Variants in ARHGAP26 observed in about 807,000 individuals in gnomAD.
ARHGAP26 encodes the protein rho GTPase-activating protein 26.
A neutral mutation model predicts 104.8 loss-of-function variants in ARHGAP26; 38 were observed. The ratio of observed to expected loss-of-function variants is 0.36; its 90% CI spans 0.28 to 0.48. The LOEUF is 0.48. Ranked by LOEUF, ARHGAP26 falls within the 20% of genes least tolerant of loss-of-function variation. The pLI is 0.99. For missense variants in ARHGAP26, 704 were observed against 947.9 expected, an observed-to-expected ratio of 0.74 and a Z score of 3.38; for synonymous variants, 341 against 340.0, an observed-to-expected ratio of 1.00 and a Z score of -0.03.
At chr5:143,119,629 T>C (rs1461584703) in intron 17 of ARHGAP26, among the ~76,000 whole-genome samples, 1 of 152,188 alleles carries the variant, frequency 6.6e-6, no homozygotes, top group Non-Finnish European at 1.5e-5. Flanking sequence ...ATTCTTTATG[T>C]GGACCAGAAA....
chr5:143,076,136 G>T (rs11739101), intron 17 of ARHGAP26, among the ~76,000 whole-genome samples: 78,282 of 149,646 alleles, frequency 0.52, 24,850 homozygotes, highest in Non-Finnish European at 0.72. Flanking sequence ...AGGACTACAG[G>T]TGTGCGCCAC....
chr5:142,856,212 G>A (rs552053301), intron 1 of ARHGAP26, among the ~76,000 whole-genome samples: 4 of 152,348 alleles, frequency 2.6e-5, no homozygotes, highest in Admixed American at 2.0e-4. Context: ...GGAGCTGTGG[G>A]CACACAGTGG....
intron 11 of ARHGAP26, among the ~76,000 whole-genome samples, chr5:142,943,501 G>A (rs1474348012): frequency 6.6e-6 from 1 of 151,988 alleles, no homozygotes; most frequent in African/African-American, 2.4e-5. Context: ...CTTTTATGAG[G>A]GCACCCATCC....
At chr5:142,776,310 G>A (rs897513821) in intron 1 of ARHGAP26, among the ~76,000 whole-genome samples, 2 of 152,098 alleles carry the variant, frequency 1.3e-5, no homozygotes, top group Admixed American at 6.5e-5. Flanking sequence ...GTGGTTTGTA[G>A]TTACAGAGTT....
At chr5:143,030,021 T>C (rs2152857139) in intron 12 of ARHGAP26, among the ~76,000 whole-genome samples, 1 of 152,312 alleles carries the variant, frequency 6.6e-6, no homozygotes, top group South Asian at 2.1e-4. Flanking sequence ...GTGTGCTGTT[T>C]TTATAGACTA....
intron 1 of ARHGAP26, among the ~76,000 whole-genome samples, chr5:142,779,912 A>C (rs1369964826): frequency 6.6e-6 from 1 of 152,228 alleles, no homozygotes; most frequent in Non-Finnish European, 1.5e-5. Flanking sequence ...ACTCATAGCT[A>C]TGTTTCTTTT....
At chr5:142,771,093 A>T (rs2151782376) in intron 1 of ARHGAP26, 178 bp downstream of exon 1, 1 of 1,342,862 alleles carries the variant, frequency 7.4e-7, no homozygotes, top group East Asian at 3.0e-5. Context: ...CAACCATCAG[A>T]TGAAGAGAGA....
intron 20 of ARHGAP26, among the ~76,000 whole-genome samples, chr5:143,161,067 A>G (rs1287692924): frequency 1.5e-5 from 2 of 137,602 alleles, no homozygotes; most frequent in Non-Finnish European, 3.0e-5. Flanking sequence ...GCTGGAGTGC[A>G]GTGGAGCGAT....
intron 5 of ARHGAP26, among the ~76,000 whole-genome samples, chr5:142,888,219 T>C (rs1350212670): frequency 2.0e-5 from 3 of 152,198 alleles, no homozygotes; most frequent in African/African-American, 7.2e-5. Flanking sequence ...AATAGCTTAG[T>C]GGTAGCGAGT....
At chr5:142,902,911 A>G (rs377453611) in intron 7 of ARHGAP26, among the ~76,000 whole-genome samples, 16 of 152,156 alleles carry the variant, frequency 1.1e-4, no homozygotes, top group East Asian at 3.9e-4. Flanking sequence ...GAGTGAGGGC[A>G]CCTGGACTCG....
intron 17 of ARHGAP26, among the ~76,000 whole-genome samples, chr5:143,114,111 C>G (rs530200959): frequency 6.6e-6 from 1 of 152,268 alleles, no homozygotes; most frequent in East Asian, 1.9e-4. Context: ...GTAGAAGTAC[C>G]CACCATAAGC....
chr5:143,215,704 A>G (rs1040843622), intron 22 of ARHGAP26, among the ~76,000 whole-genome samples: 1 of 152,212 alleles, frequency 6.6e-6, no homozygotes, highest in African/African-American at 2.4e-5. Flanking sequence ...CGGACATTTC[A>G]TACAAATGGA....
intron 18 of ARHGAP26, among the ~76,000 whole-genome samples, chr5:143,125,435 C>T (rs1448570558): frequency 6.6e-6 from 1 of 152,254 alleles, no homozygotes; most frequent in Non-Finnish European, 1.5e-5. Context: ...GTGTTTCACA[C>T]ACAACTTGTG....
At chr5:142,810,542 T>A (rs756394938) in intron 1 of ARHGAP26, among the ~76,000 whole-genome samples, 5 of 152,146 alleles carry the variant, frequency 3.3e-5, no homozygotes, top group African/African-American at 4.8e-5. Flanking sequence ...TGATAGAAAA[T>A]TTAAAACTTA....
At chr5:143,194,947 G>T (rs1030186754) in intron 20 of ARHGAP26, among the ~76,000 whole-genome samples, 4 of 152,204 alleles carry the variant, frequency 2.6e-5, no homozygotes, top group African/African-American at 9.7e-5. Flanking sequence ...CGCTGAAGGA[G>T]CAGGGCCAGG....
chr5:143,120,582 T>C (rs1796017071), intron 17 of ARHGAP26, among the ~76,000 whole-genome samples: 1 of 152,152 alleles, frequency 6.6e-6, no homozygotes, highest in Admixed American at 6.6e-5. Flanking sequence ...CATCAAGAGG[T>C]TTTACATTTG....
At chr5:142,888,560 C>G (rs1598093654) in intron 5 of ARHGAP26, among the ~76,000 whole-genome samples, 1 of 152,290 alleles carries the variant, frequency 6.6e-6, no homozygotes, top group East Asian at 1.9e-4. Context: ...ATGAAACCTT[C>G]CACTCTGATT....
At chr5:143,117,255 C>T (rs530864462) in intron 17 of ARHGAP26, among the ~76,000 whole-genome samples, 1 of 152,318 alleles carries the variant, frequency 6.6e-6, no homozygotes, top group East Asian at 1.9e-4. Context: ...TGCTAATGAA[C>T]GAGTCCCGTG....
At position 143,206,310 on chromosome 5, in the gene ARHGAP26, A is replaced by G. The variant is rs77114590; in HGVS notation, c.1989-888A>G. ...TTGGTGTTTGCACTATTTGTGATGTATGATTTCACAGAGTTGTGAAGGTGC... is the reference window on the plus strand; with the variant it reads ...TTGGTGTTTGCACTATTTGTGATGTGTGATTTCACAGAGTTGTGAAGGTGC... On this transcript the variant is annotated intron_variant, in intron 20 of 22. Transcript: ENST00000645722. Among the ~76,000 whole-genome samples, 4 of 152,336 alleles carry G rather than the reference A, an allele frequency of 2.6e-5. No individual in the cohort carries two copies. The East Asian group carries it at 5.8e-4, about 22-fold the overall frequency.
Sources: allele counts gnomAD v4.1 joint callset (sites outside exome capture counted in the v4.1 genomes callset), GRCh38; gene constraint gnomAD v4.1.1; transcripts MANE v1.5; gene names NCBI Gene and HGNC (gene_info 2026-07-23, HGNC 2026-07-21).